The following HNRNPF variants were observed in gnomAD, a reference collection of about 807,000 sequenced individuals.
The protein encoded by HNRNPF is heterogeneous nuclear ribonucleoprotein F.
In HNRNPF, 2 loss-of-function variants were observed where a neutral mutation model predicts 26.0. The ratio of observed to expected loss-of-function variants is 0.08; its 90% CI spans 0.03 to 0.24. The LOEUF (loss-of-function observed/expected upper bound fraction) is 0.24, where lower values mean the gene tolerates loss of function less well. Ranked by LOEUF, HNRNPF falls within the 10% of genes least tolerant of loss-of-function variation. HNRNPF has a pLI of 1.00. For synonymous variants in HNRNPF, 234 were observed against 211.5 expected, an observed-to-expected ratio of 1.11 and a Z score of -0.92; for missense variants, 299 against 539.2, an observed-to-expected ratio of 0.55 and a Z score of 4.41.
At chr10:43,403,308 G>C (rs1838810615) in intron 1 of HNRNPF, among the ~76,000 whole-genome samples, 1 of 152,144 alleles carries the variant, frequency 6.6e-6, no homozygotes, top group Non-Finnish European at 1.5e-5. Context: ...ACCCCGCCCA[G>C]CCTGTGTCAT....
At chr10:43,408,241 G>A (rs1189182700) in intron 1 of HNRNPF, among the ~76,000 whole-genome samples, 1 of 152,182 alleles carries the variant, frequency 6.6e-6, no homozygotes, top group Admixed American at 6.5e-5. Flanking sequence ...CTCCCCGCCA[G>A]GGGGCCGGAC....
intron 1 of HNRNPF, among the ~76,000 whole-genome samples, chr10:43,399,466 G>T (rs956067835): frequency 6.6e-6 from 1 of 152,158 alleles, no homozygotes; most frequent in Non-Finnish European, 1.5e-5. Flanking sequence ...TTGAGCCAGG[G>T]GTTGTATTGT....
rs113071636 is a variant in HNRNPF, at chr10:43,389,358, T to C, written c.-52-1422A>G. Among the ~76,000 whole-genome samples, 193 of 152,214 alleles carry C rather than the reference T, an allele frequency of 1.3e-3. 1 individual carries two copies. Among genetic ancestry groups the C allele is most frequent in the African/African-American group, 4.5e-3 (187 of 41,530 alleles). ...TTTCAAGAAATATGGGCTCATCATG[T>C]GGGGAAAAAAGCTCCATAAGAAAAC... is the stretch of plus-strand genomic sequence containing the variant. On this transcript the variant is annotated intron_variant, in intron 3 of 3. Coordinates refer to ENST00000682386, the MANE Select transcript of HNRNPF (RefSeq NM_001098204.2).
Position 43,387,977 on chromosome 10 carries a change from G to GA in HNRNPF, c.-52-42dup, listed in dbSNP as rs557658890. ...AGAAAAATTTATTTAGTATGCAACA[G>GA]AAATTTTCCCCATTTTACAGACGAG... is the stretch of plus-strand genomic sequence containing the variant. On this transcript the variant is annotated intron_variant, in intron 3 of 3. Coordinates refer to ENST00000682386, the MANE Select transcript of HNRNPF (RefSeq NM_001098204.2). This position sits in a 1 kb window ranked among gnomAD's most constrained non-coding sequence, Gnocchi z 6.0. 5,584 of 1,090,270 alleles carry GA rather than the reference G, an allele frequency of 5.1e-3. 39 individuals carry two copies. Among genetic ancestry groups the GA allele is most frequent in the Middle Eastern group, 0.018 (75 of 4,116 alleles). The allele number at this position is 1,090,270 out of a possible 1,614,324, so 67.5% of individuals were successfully genotyped here. A position where few individuals can be genotyped will look rare whatever the true frequency, so the allele number is the denominator to read the frequency against.
At chr10:43,400,885 C>G (rs1014695165) in intron 1 of HNRNPF, among the ~76,000 whole-genome samples, 1 of 137,278 alleles carries the variant, frequency 7.3e-6, no homozygotes, top group African/African-American at 3.2e-5. Flanking sequence ...ATCACGAGGT[C>G]AGGAGGGCTA....
intron 1 of HNRNPF, chr10:43,396,955 G>C (rs1304511371): frequency 2.0e-5 from 3 of 151,150 alleles, no homozygotes; most frequent in South Asian, 4.2e-4. Context: ...CTGAGGGCGA[G>C]AGCGAGGGCG....
intron 1 of HNRNPF, among the ~76,000 whole-genome samples, chr10:43,407,224 G>A (rs1015651765): frequency 2.6e-5 from 4 of 151,260 alleles, no homozygotes; most frequent in African/African-American, 9.7e-5. Context: ...GCGGTTCCGG[G>A]AAGCCGCCGC....
chr10:43,397,611 TGACCATG>T (rs1346492304), intron 1 of HNRNPF, among the ~76,000 whole-genome samples: 20 of 152,204 alleles, frequency 1.3e-4, no homozygotes. Context: ...TTTGTACATT[TGACCATG>T]GACACACGTA....
intron 1 of HNRNPF, among the ~76,000 whole-genome samples, chr10:43,400,875 A>G (rs555788504): frequency 6.6e-6 from 1 of 152,216 alleles, no homozygotes; most frequent in African/African-American, 2.4e-5. Flanking sequence ...AGGCGGGTGG[A>G]TCACGAGGTC....
chr10:43,393,774 C>A (rs1245447345), intron 3 of HNRNPF, among the ~76,000 whole-genome samples: 1 of 152,098 alleles, frequency 6.6e-6, no homozygotes, highest in Non-Finnish European at 1.5e-5. Flanking sequence ...GCAACTTTTG[C>A]CTGCAACACT....
intron 1 of HNRNPF, among the ~76,000 whole-genome samples, chr10:43,397,862 G>A (rs766098507): frequency 1.4e-4 from 22 of 152,116 alleles, no homozygotes; most frequent in Admixed American, 2.6e-4. Context: ...ACAAATATTT[G>A]CAGATGATAC....
rs1054223432 is a variant in HNRNPF, at chr10:43,401,719, C to A, written c.-246-5129G>T. ...GTACCTCTCTCCCTTGAGCAAGCAG[C>A]CCCTAAATAGGTGCATAGTCAAACC... is the stretch of plus-strand genomic sequence containing the variant. On this transcript the variant is annotated intron_variant, in intron 1 of 3. Transcript: ENST00000682386. Among the ~76,000 whole-genome samples, 7 of 152,200 alleles carry A rather than the reference C, an allele frequency of 4.6e-5. No homozygotes were observed. In the East Asian group the frequency reaches 5.8e-4, roughly 13 times the overall value.
chr10:43,387,078 G>T lies in HNRNPF; in HGVS notation c.807C>A (p.Ser269=), dbSNP rs767675065. Reference sequence around the variant, plus strand: ...CGCCGTATCTGTGGTCATACATTCCGGAGAGACAGTAGCTGAGGTCTCTCC... The same window carrying T: ...CGCCGTATCTGTGGTCATACATTCCTGAGAGACAGTAGCTGAGGTCTCTCC... ...LFGRDLSYCL[S]GMYDHRYGDS... The change falls in exon 4 of 4, where the codon TCC becomes TCA. Residue 269 remains serine (S), a synonymous_variant. Transcript: ENST00000682386. This position sits in a 1 kb window ranked among gnomAD's most constrained non-coding sequence, Gnocchi z 6.0. 1 of 1,613,036 alleles carries T rather than the reference G, an allele frequency of 6.2e-7. No individual in the cohort carries two copies. The highest frequency in any genetic ancestry group is 1.7e-5 in the Admixed American group (1 of 60,016).
intron 1 of HNRNPF, among the ~76,000 whole-genome samples, chr10:43,408,262 G>A (rs186620654): frequency 4.6e-5 from 7 of 152,258 alleles, no homozygotes; most frequent in African/African-American, 7.2e-5. Context: ...TAACGCACCC[G>A]GCCGTCCGTG....
intron 3 of HNRNPF, among the ~76,000 whole-genome samples, chr10:43,394,092 T>G (rs1172090482): frequency 1.3e-5 from 2 of 152,136 alleles, no homozygotes; most frequent in African/African-American, 4.8e-5. Context: ...CTTGTGCCTG[T>G]TTTGTTGGCC....
In HNRNPF at chr10:43,387,408, A is replaced by T. The variant is rs773463793; in HGVS notation, c.477T>A (p.Phe159Leu). 1 of 1,614,166 alleles carries T rather than the reference A, an allele frequency of 6.2e-7. No individual in the cohort carries two copies. Among genetic ancestry groups the T allele is most frequent in the Non-Finnish European group, 8.5e-7 (1 of 1,180,014 alleles). ...GKITGEAFVQ[F>L]ASQELAEKAL... ...CCTTCTCAGCTAACTCCTGCGAGGCAAACTGCACGAACGCTTCCCCTGTAA... is the reference window on the plus strand; with the variant it reads ...CCTTCTCAGCTAACTCCTGCGAGGCTAACTGCACGAACGCTTCCCCTGTAA... Residue 159 changes from phenylalanine (F) to leucine (L), a missense_variant, in exon 4 of 4, where the codon TTT becomes TTA. By Grantham distance (22) the Phe-to-Leu change is conservative (BLOSUM62 0). Coordinates refer to ENST00000682386, the MANE Select transcript of HNRNPF (RefSeq NM_001098204.2). The surrounding 1 kb of genome is among the most constrained non-coding windows in gnomAD (Gnocchi z 6.0).
At chr10:43,406,546 T>C (rs954197768) in intron 1 of HNRNPF, among the ~76,000 whole-genome samples, 1 of 151,898 alleles carries the variant, frequency 6.6e-6, no homozygotes, top group East Asian at 1.9e-4. Flanking sequence ...AATACAAAAA[T>C]TTGCCGGGCG....
At position 43,387,378 on chromosome 10, in the gene HNRNPF, T is replaced by C. The variant is rs369253319; in HGVS notation, c.507A>G (p.Leu169=). Residue 169 remains leucine, a synonymous_variant, in exon 4 of 4, where the codon CTA becomes CTG. Coordinates refer to ENST00000682386, the MANE Select transcript of HNRNPF (RefSeq NM_001098204.2). The surrounding 1 kb of genome is among the most constrained non-coding windows in gnomAD (Gnocchi z 6.0). Reference sequence around the variant, plus strand: ...GCCCTATCCTCTCCTTGTGTTTCCCTAGAGCCTTCTCAGCTAACTCCTGCG... The same window carrying C: ...GCCCTATCCTCTCCTTGTGTTTCCCCAGAGCCTTCTCAGCTAACTCCTGCG... ...FASQELAEKA[L]GKHKERIGHR... 2 of 1,614,082 alleles carry C rather than the reference T, an allele frequency of 1.2e-6. No individual in the cohort carries two copies. Among genetic ancestry groups the C allele is most frequent in the African/African-American group, 1.3e-5 (1 of 74,930 alleles).
chr10:43,398,716 C>T (rs563170870), intron 1 of HNRNPF, among the ~76,000 whole-genome samples: 1 of 152,114 alleles, frequency 6.6e-6, no homozygotes, highest in Admixed American at 6.5e-5. Flanking sequence ...AATGCAGTGG[C>T]ACGATCATGG....
Sources: gnomAD v4.1 joint callset for allele counts (sites outside exome capture counted in the v4.1 genomes callset) on GRCh38, gnomAD v4.1.1 for gene constraint, Gnocchi (gnomAD v3.1) non-coding constraint, MANE v1.5 for transcripts, NCBI Gene and HGNC (gene_info 2026-07-23, HGNC 2026-07-21) for gene names.